LRRIQ1: variants seen among roughly 807,000 people sequenced by gnomAD.
The protein encoded by LRRIQ1 is leucine-rich repeat- and IQ domain-containing protein 1.
LRRIQ1 carries 210 observed loss-of-function variants against 211.9 expected under a neutral mutation model. The observed-to-expected ratio is 0.99, with a 90% CI of 0.89 to 1.11. The LOEUF is 1.11. LRRIQ1 is among the 50% of genes most tolerant of loss of function. The probability of loss-of-function intolerance (pLI) is 0.00; values close to 1 mark genes in which losing one functional copy is unlikely to be tolerated. For missense variants in LRRIQ1, 2,136 were observed against 1,939.5 expected (o/e 1.10, Z -1.90); for synonymous variants, 699 against 650.1 (o/e 1.08, Z -1.14).
intron 24 of LRRIQ1, among the ~76,000 whole-genome samples, chr12:85,187,117 G>A (rs1313685888): frequency 1.3e-5 from 2 of 151,902 alleles, no homozygotes; most frequent in East Asian, 3.9e-4. Flanking sequence ...CTTCCCAAAG[G>A]AGAAAAAACA....
chr12:85,121,641 A>T (rs1314652998), intron 15 of LRRIQ1, 56 bp from the exon 16 acceptor site: 1 of 1,308,170 alleles, frequency 7.6e-7, no homozygotes, highest in South Asian at 1.7e-5. Context: ...GGTTATTTAG[A>T]TACATACTCT....
chr12:85,219,413 A>T (rs1466000395), intron 24 of LRRIQ1, among the ~76,000 whole-genome samples: 2 of 152,150 alleles, frequency 1.3e-5, no homozygotes, highest in East Asian at 3.8e-4. Flanking sequence ...TAATATCAAA[A>T]AATGTGTCTT....
At chr12:85,224,298 G>A (rs908757656) in intron 24 of LRRIQ1, among the ~76,000 whole-genome samples, 1 of 152,090 alleles carries the variant, frequency 6.6e-6, no homozygotes, top group Non-Finnish European at 1.5e-5. Context: ...ACTGTTGGTG[G>A]GAGTGTAAAT....
Position 85,072,999 on chromosome 12 carries a change from G to T in LRRIQ1, c.2788G>T (p.Val930Phe). ...CACTTCTTACTTATCCCTGGCACAA[G>T]TCTGGATTCCAACTGGATTATGTTG... ...TSTSYLSLAQ[V>F]WIPTGLCWSW... The change falls in exon 11 of 27, where the codon GTC becomes TTC. Residue 930 changes from valine (V) to phenylalanine (F), a missense_variant. Coordinates refer to ENST00000393217, the MANE Select transcript of LRRIQ1 (RefSeq NM_001079910.2). 3.7e-6 allele frequency: 6 copies of T among 1,612,844 alleles called. No individual in the cohort carries two copies. The highest frequency in any genetic ancestry group is 5.1e-6 in the Non-Finnish European group (6 of 1,179,260).
intron 8 of LRRIQ1, among the ~76,000 whole-genome samples, chr12:85,064,930 C>A (rs1882267305): frequency 6.6e-6 from 1 of 151,770 alleles, no homozygotes; most frequent in Non-Finnish European, 1.5e-5. Flanking sequence ...ATTACTACAG[C>A]TGTGTAGTAT....
chr12:85,256,875 A>C (rs1192594188), intron 1 of LRRIQ1, among the ~76,000 whole-genome samples: 1 of 149,586 alleles, frequency 6.7e-6, no homozygotes, highest in Non-Finnish European at 1.5e-5. Context: ...TTGAGTTTTA[A>C]ATGTTTATAT....
chr12:85,190,821 C>A (rs541701979), intron 24 of LRRIQ1, among the ~76,000 whole-genome samples: 64 of 151,870 alleles, frequency 4.2e-4, no homozygotes, highest in Non-Finnish European at 8.4e-4. Context: ...ATGATAACTT[C>A]TGTTGCTGCT....
At chr12:85,236,858 T>C (rs1895211520) in intron 26 of LRRIQ1, among the ~76,000 whole-genome samples, 2 of 145,404 alleles carry the variant, frequency 1.4e-5, no homozygotes, top group Admixed American at 6.9e-5. Context: ...TATATATATC[T>C]CCCAGATTAT....
At chr12:85,084,468 A>C (rs554756182) in intron 11 of LRRIQ1, among the ~76,000 whole-genome samples, 1 of 152,194 alleles carries the variant, frequency 6.6e-6, no homozygotes, top group East Asian at 1.9e-4. Context: ...GTAACTTTTA[A>C]TTGATAATAA....
At position 85,121,000 on chromosome 12, in the gene LRRIQ1, G is replaced by C. The variant is rs1353903559; in HGVS notation, c.3378-697G>C. On this transcript the variant is annotated intron_variant, in intron 15 of 26. Coordinates refer to ENST00000393217, the MANE Select transcript of LRRIQ1 (RefSeq NM_001079910.2). Reference sequence around the variant, plus strand: ...TTTTTGTTTTTTGAGATGGAGCCTCGCTCTGTCACCAGGCTGGAGAGCAGT... The same window carrying C: ...TTTTTGTTTTTTGAGATGGAGCCTCCCTCTGTCACCAGGCTGGAGAGCAGT... Among the ~76,000 whole-genome samples, 6 of 151,642 alleles carry C rather than the reference G, an allele frequency of 4.0e-5. No individual in the cohort carries two copies. In the South Asian group the frequency reaches 1.2e-3, roughly 31 times the overall value.
At chr12:85,114,207 T>C (rs958609032) in intron 15 of LRRIQ1, among the ~76,000 whole-genome samples, 2 of 152,142 alleles carry the variant, frequency 1.3e-5, no homozygotes, top group Admixed American at 1.3e-4. Flanking sequence ...CAAGTAATAC[T>C]GTTTATAATG....
intron 24 of LRRIQ1, among the ~76,000 whole-genome samples, chr12:85,185,560 A>G (rs955141677): frequency 1.3e-5 from 2 of 151,912 alleles, no homozygotes; most frequent in African/African-American, 4.8e-5. Flanking sequence ...TTATAGCATA[A>G]CTAGAGATGT....
At chr12:85,055,061 G>A (rs1306552542) in intron 7 of LRRIQ1, among the ~76,000 whole-genome samples, 9 of 152,082 alleles carry the variant, frequency 5.9e-5, no homozygotes. Context: ...TATATTGTTT[G>A]TATGTAGGGA....
At chr12:85,113,946 T>A (rs886175318) in intron 15 of LRRIQ1, among the ~76,000 whole-genome samples, 6 of 147,400 alleles carry the variant, frequency 4.1e-5, no homozygotes, top group East Asian at 4.0e-4. Flanking sequence ...TGTGTGTGTG[T>A]GAAAGGCCAC....
At chr12:85,161,940 G>T (rs1311827366) in intron 24 of LRRIQ1, among the ~76,000 whole-genome samples, 2 of 152,040 alleles carry the variant, frequency 1.3e-5, no homozygotes, top group African/African-American at 2.4e-5. Context: ...CTCGGAGGCT[G>T]AGGCAGGAGA....
intron 1 of LRRIQ1, chr12:85,262,876 CAT>C (rs940483386): frequency 5.5e-6 from 5 of 912,092 alleles, no homozygotes; most frequent in Non-Finnish European, 6.6e-6. Context: ...GTATTTGGTT[CAT>C]ATTCAGTGAA....
At chr12:85,170,230 T>C (rs1472980767) in intron 24 of LRRIQ1, among the ~76,000 whole-genome samples, 2 of 149,550 alleles carry the variant, frequency 1.3e-5, no homozygotes, top group East Asian at 3.9e-4. Context: ...ATATTTGTGT[T>C]CTATTCCAAA....
intron 2 of LRRIQ1, among the ~76,000 whole-genome samples, chr12:85,039,691 TG>T (rs1340588685): frequency 6.6e-6 from 1 of 151,648 alleles, no homozygotes; most frequent in Non-Finnish European, 1.5e-5. Context: ...AGACAATATT[TG>T]TTTTTAGTTA....
At chr12:85,097,085 C>T (rs7133493) in intron 11 of LRRIQ1, among the ~76,000 whole-genome samples, 42,067 of 152,054 alleles carry the variant, frequency 0.28, 5,962 homozygotes, top group Admixed American at 0.33. Context: ...AGACAGCAGA[C>T]AGATGGGTCT....
Sources: gnomAD v4.1 joint callset for allele counts (sites outside exome capture counted in the v4.1 genomes callset) on GRCh38, gnomAD v4.1.1 for gene constraint, MANE v1.5 for transcripts, NCBI Gene and HGNC (gene_info 2026-07-23, HGNC 2026-07-21) for gene names.